The following SPAG17 variants were observed in gnomAD, a reference collection of about 807,000 sequenced individuals.
SPAG17 encodes sperm associated antigen 17, also known as sperm-associated antigen 17.
Under a neutral mutation model 273.6 loss-of-function variants are expected in SPAG17, and 169 were observed. The observed-to-expected ratio is 0.62, with a 90% CI of 0.55 to 0.70. The LOEUF (loss-of-function observed/expected upper bound fraction) is 0.70. SPAG17 is among the 30% of genes least tolerant of loss of function. The pLI, the probability that SPAG17 is intolerant of heterozygous loss-of-function variation, is 0.00. For missense variants in SPAG17, 2,557 were observed against 2,627.8 expected, an observed-to-expected ratio of 0.97 and a Z score of 0.59; for synonymous variants, 825 against 873.2, an observed-to-expected ratio of 0.94 and a Z score of 0.97.
intron 4 of SPAG17, among the ~76,000 whole-genome samples, chr1:118,104,428 A>AACAC (rs1656261910): frequency 6.6e-6 from 1 of 152,228 alleles, no homozygotes; most frequent in Non-Finnish European, 1.5e-5. Context: ...AGAGGTCAAG[A>AACAC]AGGTAGTTCA....
At chr1:118,176,365 A>G (rs900709156) in intron 1 of SPAG17, among the ~76,000 whole-genome samples, 20 of 152,204 alleles carry the variant, frequency 1.3e-4, no homozygotes, top group Admixed American at 2.6e-4. Context: ...CCTGAAAGTG[A>G]AGAGGTATTT....
At chr1:118,029,533 T>C (rs1009980344) in intron 25 of SPAG17, among the ~76,000 whole-genome samples, 1 of 152,214 alleles carries the variant, frequency 6.6e-6, no homozygotes, top group South Asian at 2.1e-4. Context: ...ATACTGCTTT[T>C]GTAGCAAATG....
At chr1:118,115,254 G>C (rs1657005379) in intron 4 of SPAG17, 56 bp downstream of exon 4, 2 of 1,591,258 alleles carry the variant, frequency 1.3e-6, no homozygotes, top group Admixed American at 1.8e-5. Flanking sequence ...GAGAAACCTG[G>C]CTCCATTTCA....
intron 35 of SPAG17, 71 bp downstream of exon 35, chr1:117,994,335 A>T: frequency 6.8e-7 from 1 of 1,464,562 alleles, no homozygotes; most frequent in Non-Finnish European, 9.2e-7. Context: ...GAGAAGACTT[A>T]AGACTCTGGT....
intron 18 of SPAG17, among the ~76,000 whole-genome samples, chr1:118,060,446 T>C (rs1652163120): frequency 6.6e-6 from 1 of 152,124 alleles, no homozygotes; most frequent in Non-Finnish European, 1.5e-5. Context: ...TTTACGTTAT[T>C]GACATCACTA....
intron 23 of SPAG17, among the ~76,000 whole-genome samples, chr1:118,037,462 T>G (rs1571307965): frequency 6.6e-6 from 1 of 152,158 alleles, no homozygotes; most frequent in Admixed American, 6.5e-5. Flanking sequence ...TTAGTGAGCA[T>G]AGTACCTGAT....
At chr1:118,015,862 A>C in intron 29 of SPAG17, 103 bp downstream of exon 29, 1 of 1,011,296 alleles carries the variant, frequency 9.9e-7, no homozygotes, top group Non-Finnish European at 1.5e-6. Flanking sequence ...ACTACTTAAC[A>C]GACATTTATT....
At chr1:118,005,102 T>C (rs112460823) in intron 32 of SPAG17, among the ~76,000 whole-genome samples, 51 of 152,346 alleles carry the variant, frequency 3.3e-4, no homozygotes, top group African/African-American at 1.2e-3. Flanking sequence ...ATAAGGACCA[T>C]TGCCACATCA....
Position 118,083,968 on chromosome 1 carries a change from C to G in SPAG17, c.1762+1954G>C, listed in dbSNP as rs72631724. Among the ~76,000 whole-genome samples, 3,431 of 152,166 alleles carry G rather than the reference C, an allele frequency of 0.023. 210 individuals carry two copies. The East Asian group carries it at 0.25, about 11-fold the overall frequency. ...AGGGAAAAGAGGAAGAGGGGAGGAG[C>G]ACCAAGGGTCCAGGATGGGGCATGT... On this transcript the variant is annotated intron_variant, in intron 13 of 48. Transcript: ENST00000336338.
At chr1:118,112,350 G>A (rs1248327557) in intron 4 of SPAG17, among the ~76,000 whole-genome samples, 1 of 152,004 alleles carries the variant, frequency 6.6e-6, no homozygotes, top group Non-Finnish European at 1.5e-5. Flanking sequence ...GGAACATGAT[G>A]AGAATATATT....
In SPAG17 at chr1:117,987,980, G is replaced by T. The variant is rs1244567664; in HGVS notation, c.5622-99C>A. The T allele has an allele frequency of 3.4e-6, 5 of 1,466,480 alleles. No homozygotes were observed. In the Admixed American group the frequency reaches 5.7e-5, roughly 17 times the overall value. The allele number at this position is 1,466,480 out of a possible 1,614,324, so 90.8% of individuals were successfully genotyped here. ...ACCACTATATGATGAATTATTAATA[G>T]TATGGGAGATGAAGGGCTGTGAATT... On this transcript the variant is annotated intron_variant, in intron 39 of 48. Coordinates refer to ENST00000336338, the MANE Select transcript of SPAG17 (RefSeq NM_206996.4).
intron 7 of SPAG17, among the ~76,000 whole-genome samples, chr1:118,094,384 A>G (rs1344138817): frequency 1.3e-5 from 2 of 152,214 alleles, no homozygotes; most frequent in Non-Finnish European, 2.9e-5. Flanking sequence ...TCTTAACTTG[A>G]AATGTTGCCA....
At chr1:118,038,847 C>T (rs1262446243) in intron 23 of SPAG17, among the ~76,000 whole-genome samples, 1 of 152,094 alleles carries the variant, frequency 6.6e-6, no homozygotes, top group Non-Finnish European at 1.5e-5. Context: ...ATGGTAGACA[C>T]ATGCCATTAT....
chr1:117,975,370 T>C (rs984332972), intron 43 of SPAG17, among the ~76,000 whole-genome samples: 2 of 152,246 alleles, frequency 1.3e-5, no homozygotes, highest in Non-Finnish European at 2.9e-5. Context: ...TTTTTGTTGT[T>C]GTTCAAGTGA....
At position 118,023,520 on chromosome 1, in the gene SPAG17, CA is replaced by C. The variant is rs1394455571; in HGVS notation, c.3910-58del. ...CAGAAGCAAGAGAGAGGTTGTTTAA[CA>C]ATAAACGCTGTGTGTCAAATGGAAA... is the stretch of plus-strand genomic sequence containing the variant. On this transcript the variant is annotated intron_variant, in intron 27 of 48. Coordinates refer to ENST00000336338, the MANE Select transcript of SPAG17 (RefSeq NM_206996.4). 4 of 1,533,108 alleles carry C rather than the reference CA, an allele frequency of 2.6e-6. No individual in the cohort carries two copies. In the African/African-American group the frequency reaches 5.5e-5, roughly 21 times the overall value. The allele number at this position is 1,533,108 out of a possible 1,614,324, so 95.0% of individuals were successfully genotyped here. A position where few individuals can be genotyped will look rare whatever the true frequency, so the allele number is the denominator to read the frequency against.
chr1:117,973,045 A>G (rs543521184), intron 44 of SPAG17, among the ~76,000 whole-genome samples: 2 of 152,328 alleles, frequency 1.3e-5, no homozygotes, highest in East Asian at 3.9e-4. Flanking sequence ...CAGTAGTAGT[A>G]TGCTGGTAAA....
intron 10 of SPAG17, among the ~76,000 whole-genome samples, chr1:118,087,716 T>A (rs1477417757): frequency 6.6e-6 from 1 of 152,210 alleles, no homozygotes; most frequent in Non-Finnish European, 1.5e-5. Context: ...TGAAACATAA[T>A]CAAGTTAGGC....
At chr1:118,181,779 T>A (rs1033916050) in intron 1 of SPAG17, among the ~76,000 whole-genome samples, 5 of 152,170 alleles carry the variant, frequency 3.3e-5, no homozygotes, top group Admixed American at 3.3e-4. Context: ...TTGGTGGGAA[T>A]GCAAAATGAT....
Position 118,138,452 on chromosome 1 carries a change from G to A in SPAG17, c.315+12091C>T, listed in dbSNP as rs571041256. Among the ~76,000 whole-genome samples, 184 of 152,082 alleles carry A rather than the reference G, an allele frequency of 1.2e-3. 2 individuals carry two copies. The highest frequency in any genetic ancestry group is 3.8e-4 in the Non-Finnish European group (26 of 68,026). On this transcript the variant is annotated intron_variant, in intron 3 of 48. Transcript: ENST00000336338. ...AAATGTAATAGAGAATAGGTTTCAA[G>A]GTTTCTAAGGCAGTGTTTTTTCAAA...
Sources: gnomAD v4.1 joint callset for allele counts (sites outside exome capture counted in the v4.1 genomes callset) on GRCh38, gnomAD v4.1.1 for gene constraint, MANE v1.5 for transcripts, NCBI Gene and HGNC (gene_info 2026-07-23, HGNC 2026-07-21) for gene names.